MICAL2: variants seen among roughly 807,000 people sequenced by gnomAD.
MICAL2 encodes microtubule associated monooxygenase, calponin and LIM domain containing 2, also known as [F-actin]-monooxygenase MICAL2.
Under a neutral mutation model 127.3 loss-of-function variants are expected in MICAL2, and 77 were observed. The ratio of observed to expected loss-of-function variants is 0.60; its 90% CI spans 0.50 to 0.73. The LOEUF is 0.73. MICAL2 is among the 30% of genes least tolerant of loss of function. The pLI is 0.00. For missense variants in MICAL2, 1,351 were observed against 1,434.4 expected (o/e 0.94, Z 0.94); for synonymous variants, 570 against 551.1 (o/e 1.03, Z -0.48).
chr11:12,265,827 G>A, downstream of MICAL2, among the ~76,000 whole-genome samples: 1 of 152,122 alleles, frequency 6.6e-6, no homozygotes, highest in Non-Finnish European at 1.5e-5. Flanking sequence ...TAATTATGGT[G>A]CACATGGGCC....
intron 22 of MICAL2, among the ~76,000 whole-genome samples, chr11:12,251,522 A>T (rs1400766295): frequency 7.0e-6 from 1 of 143,138 alleles, no homozygotes; most frequent in African/African-American, 2.6e-5. Context: ...TCAGGTTGGG[A>T]AGGGCAGGTA....
chr11:12,263,347 C>T (rs1863373754), intron 27 of MICAL2: 1 of 152,318 alleles, frequency 6.6e-6, no homozygotes, highest in Admixed American at 6.5e-5. Flanking sequence ...ATCACCAACA[C>T]ACTCTTAACG....
chr11:12,308,834 C>T (rs1864141694), intron 29 of MICAL2, among the ~76,000 whole-genome samples: 1 of 152,160 alleles, frequency 6.6e-6, no homozygotes, highest in Admixed American at 6.5e-5. Flanking sequence ...TTGTATTTCA[C>T]CATTGAGTAT....
At chr11:12,185,101 ATAGGTGGG>A (rs1857991372) in intron 3 of MICAL2, among the ~76,000 whole-genome samples, 1 of 3,784 alleles carries the variant, frequency 2.6e-4, no homozygotes, top group Non-Finnish European at 5.4e-4. Flanking sequence ...GGGGGGATGG[ATAGGTGGG>A]TGGGTGGGTG....
intron 30 of MICAL2, among the ~76,000 whole-genome samples, chr11:12,320,077 C>T (rs1864276125): frequency 6.6e-6 from 1 of 152,018 alleles, no homozygotes; most frequent in South Asian, 2.1e-4. Flanking sequence ...GATGGCAGCT[C>T]TTAAAGTGGG....
rs530021334 is a variant in MICAL2, at chr11:12,192,232, G to A, written c.265-12018G>A. Among the ~76,000 whole-genome samples, 12 of 152,302 alleles carry A rather than the reference G, an allele frequency of 7.9e-5. No homozygotes were observed. In the South Asian group the frequency reaches 1.4e-3, roughly 18 times the overall value. ...CTTTCAGCTTGGACAGTGCACACAC[G>A]TGCAAGTGCAGGTGGGCAGGGCAGC... On this transcript the variant is annotated intron_variant, in intron 3 of 27. Coordinates refer to ENST00000683283, the MANE Select transcript of MICAL2 (RefSeq NM_001282663.2).
At chr11:12,278,854 G>C (rs1047605344) in intron 1 of MICAL2, among the ~76,000 whole-genome samples, 5 of 152,238 alleles carry the variant, frequency 3.3e-5, no homozygotes, top group African/African-American at 1.2e-4. Context: ...GTGCACGTTA[G>C]TGGAGAAAGT....
chr11:12,158,367 G>A (rs1029474693), intron 2 of MICAL2, among the ~76,000 whole-genome samples: 3 of 152,004 alleles, frequency 2.0e-5, no homozygotes, highest in African/African-American at 2.4e-5. Context: ...TTGAAGAATC[G>A]TAATGAGTAT....
downstream of MICAL2, among the ~76,000 whole-genome samples, chr11:12,265,343 G>C (rs1275442029): frequency 1.3e-5 from 2 of 152,156 alleles, no homozygotes; most frequent in African/African-American, 2.4e-5. Flanking sequence ...GTTTAATTCA[G>C]AGATATTGGA....
At chr11:12,171,386 G>A (rs1026125062) in intron 3 of MICAL2, among the ~76,000 whole-genome samples, 1 of 152,198 alleles carries the variant, frequency 6.6e-6, no homozygotes, top group African/African-American at 2.4e-5. Flanking sequence ...AGACTAAAAG[G>A]TAAACCCTGG....
intron 1 of MICAL2, among the ~76,000 whole-genome samples, chr11:12,114,779 C>T (rs921721312): frequency 1.3e-5 from 2 of 152,180 alleles, no homozygotes; most frequent in South Asian, 2.1e-4. Context: ...CCTCAGCACG[C>T]GTCGGTCTGT....
chr11:12,309,991 C>A (rs1441545416), intron 29 of MICAL2, among the ~76,000 whole-genome samples: 2 of 152,062 alleles, frequency 1.3e-5, no homozygotes, highest in Non-Finnish European at 2.9e-5. Context: ...TAATAAATAT[C>A]TATTCAGGCC....
At chr11:12,273,094 A>C (rs913337442), upstream of MICAL2, among the ~76,000 whole-genome samples, 2 of 152,208 alleles carry the variant, frequency 1.3e-5, no homozygotes, top group Non-Finnish European at 2.9e-5. Flanking sequence ...GGTCATGCGC[A>C]ACAGTGTCCA....
chr11:12,245,168 G>A (rs12799517), intron 21 of MICAL2, among the ~76,000 whole-genome samples: 25,142 of 152,146 alleles, frequency 0.17, 2,378 homozygotes, highest in Non-Finnish European at 0.21. Context: ...AGAAATGGGC[G>A]TGAAGCCTAC....
chr11:12,208,464 G>C, intron 5 of MICAL2: 1 of 253,514 alleles, frequency 3.9e-6, no homozygotes. Flanking sequence ...GTTCATTCAC[G>C]TGTTCTTCAA....
At position 12,241,023 on chromosome 11, in the gene MICAL2, C is replaced by T. The variant is rs767339517; in HGVS notation, c.2215-17C>T. On this transcript the variant is annotated splice_polypyrimidine_tract_variant and intron_variant, in intron 17 of 27. Transcript: ENST00000683283. ...TCTCCTGTGGCTGCTTTTTTGGACT[C>T]GCCTTTCTTCTCCCAGGAACGCCGT... 9.9e-6 allele frequency: 16 copies of T among 1,611,158 alleles called. No homozygotes were observed. The highest frequency in any genetic ancestry group is 2.2e-5 in the East Asian group (1 of 44,854).
At chr11:12,285,574 G>A (rs1368553037) in intron 2 of MICAL2, among the ~76,000 whole-genome samples, 1 of 152,238 alleles carries the variant, frequency 6.6e-6, no homozygotes, top group Non-Finnish European at 1.5e-5. Flanking sequence ...GATTGGTTAA[G>A]TCAGATCTCT....
At chr11:12,329,880 A>AG (rs1249288416) in intron 32 of MICAL2, among the ~76,000 whole-genome samples, 1,750 of 148,878 alleles carry the variant, frequency 0.012, 46 homozygotes, top group African/African-American at 0.041. Context: ...AAAAAAAAAA[A>AG]AAAGAAAAGA....
chr11:12,175,852 A>G (rs1856783629), intron 3 of MICAL2, among the ~76,000 whole-genome samples: 1 of 152,092 alleles, frequency 6.6e-6, no homozygotes, highest in African/African-American at 2.4e-5. Context: ...AAGGAGACCT[A>G]TGTAGCTGGA....
Sources: allele counts gnomAD v4.1 joint callset (sites outside exome capture counted in the v4.1 genomes callset), GRCh38; gene constraint gnomAD v4.1.1; transcripts MANE v1.5; gene names NCBI Gene and HGNC (gene_info 2026-07-23, HGNC 2026-07-21).